LEPROTL1: variants seen among roughly 807,000 people sequenced by gnomAD.
LEPROTL1 encodes the protein leptin receptor overlapping transcript like 1.
Under a neutral mutation model 15.4 loss-of-function variants are expected in LEPROTL1, and 6 were observed. The observed-to-expected ratio is 0.39, with a 90% CI of 0.21 to 0.77. The LOEUF is 0.77. Ranked by LOEUF, LEPROTL1 falls within the 30% of genes least tolerant of loss-of-function variation. The pLI, the probability that LEPROTL1 is intolerant of heterozygous loss-of-function variation, is 0.41. For missense variants in LEPROTL1, 128 were observed against 158.1 expected (o/e 0.81, Z 1.02); for synonymous variants, 56 against 52.6 (o/e 1.06, Z -0.28).
At chr8:30,103,594 A>C (rs916855542) in intron 2 of LEPROTL1, among the ~76,000 whole-genome samples, 1 of 152,030 alleles carries the variant, frequency 6.6e-6, no homozygotes, top group African/African-American at 2.4e-5. Flanking sequence ...TACAAAAATT[A>C]GCCGGGCATG....
intron 3 of LEPROTL1, among the ~76,000 whole-genome samples, chr8:30,127,761 G>A (rs1343149705): frequency 6.6e-6 from 1 of 151,062 alleles, no homozygotes; most frequent in African/African-American, 2.4e-5. Context: ...AAAAGCAGGG[G>A]TAACCTGAGG....
At chr8:30,104,030 GA>G (rs1267649316) in intron 2 of LEPROTL1, among the ~76,000 whole-genome samples, 2 of 152,178 alleles carry the variant, frequency 1.3e-5, no homozygotes, top group African/African-American at 4.8e-5. Flanking sequence ...ACTAGATGTA[GA>G]GTAAAAGCCA....
chr8:30,097,318 T>C (rs1480954187), intron 1 of LEPROTL1, among the ~76,000 whole-genome samples: 1 of 103,904 alleles, frequency 9.6e-6, no homozygotes, highest in Non-Finnish European at 2.3e-5. Flanking sequence ...TTGGCTACCT[T>C]ATTCGGTATG....
At chr8:30,124,561 A>G (rs1274582539) in intron 3 of LEPROTL1, among the ~76,000 whole-genome samples, 1 of 152,152 alleles carries the variant, frequency 6.6e-6, no homozygotes, top group African/African-American at 2.4e-5. Flanking sequence ...ACACCTGAAA[A>G]AGTTAACAAT....
At chr8:30,136,700 C>G (rs1184561468) in intron 4 of LEPROTL1, among the ~76,000 whole-genome samples, 3 of 151,692 alleles carry the variant, frequency 2.0e-5, no homozygotes, top group South Asian at 4.1e-4. Flanking sequence ...CAACCTGAAG[C>G]CTTTGGTGAA....
chr8:30,137,108 C>A (rs1014276999), intron 4 of LEPROTL1, among the ~76,000 whole-genome samples: 1 of 152,164 alleles, frequency 6.6e-6, no homozygotes, highest in Non-Finnish European at 1.5e-5. Context: ...GCATCACAGC[C>A]TCTGTGCTCC....
rs547094274 is a variant in LEPROTL1, at chr8:30,107,752, C to CA, written c.*1890_*1891insA. The CA allele has an allele frequency of 6.2e-5, 60 of 969,962 alleles. 1 individual carries two copies. The highest frequency in any genetic ancestry group is 7.1e-5 in the Non-Finnish European group (58 of 816,054). 60.1% of individuals were successfully genotyped at this position (969,962 alleles called of 1,614,324 possible). A position where few individuals can be genotyped will look rare whatever the true frequency, so the allele number is the denominator to read the frequency against. On this transcript the variant is annotated 3_prime_UTR_variant, in exon 4 of 4. Coordinates refer to ENST00000321250, the MANE Select transcript of LEPROTL1 (RefSeq NM_015344.3). Reference sequence around the variant, plus strand: ...CTCTTTGTGCTTGTGATCTACTGGACTTTTTTTTGCAGGAAGTGCATTCTC... The same window carrying CA: ...CTCTTTGTGCTTGTGATCTACTGGACATTTTTTTTGCAGGAAGTGCATTCTC...
intron 1 of LEPROTL1, among the ~76,000 whole-genome samples, chr8:30,098,281 T>C (rs1214053588): frequency 6.6e-6 from 1 of 152,222 alleles, no homozygotes; most frequent in Non-Finnish European, 1.5e-5. Flanking sequence ...TTAATTTTTG[T>C]TCTGGGTATA....
chr8:30,096,231 G>C (rs1219913417), intron 1 of LEPROTL1: 2 of 918,930 alleles, frequency 2.2e-6, no homozygotes, highest in Non-Finnish European at 1.3e-6. Flanking sequence ...TAAAATACTG[G>C]TACAACTTAA....
intron 1 of LEPROTL1, among the ~76,000 whole-genome samples, chr8:30,097,154 T>C (rs1006928874): frequency 1.3e-5 from 2 of 152,210 alleles, no homozygotes; most frequent in East Asian, 1.9e-4. Context: ...ACTCAATTAC[T>C]GTATGAATTC....
In LEPROTL1 at chr8:30,107,154, T is replaced by A. The variant is rs1033957857; in HGVS notation, c.*1292T>A. Reference sequence around the variant, plus strand: ...TTGATTTTGAGTTCATCATGATAGATCTGCTGTTTCCTTATAAAAGGCATT... The same window carrying A: ...TTGATTTTGAGTTCATCATGATAGAACTGCTGTTTCCTTATAAAAGGCATT... On this transcript the variant is annotated 3_prime_UTR_variant, in exon 4 of 4. Transcript: ENST00000321250. The A allele has an allele frequency of 2.0e-6, 2 of 985,240 alleles. No homozygotes were observed. Among genetic ancestry groups the A allele is most frequent in the Admixed American group, 6.1e-5 (1 of 16,268 alleles). The allele number at this position is 985,240 out of a possible 1,614,324, so 61.0% of individuals were successfully genotyped here.
intron 1 of LEPROTL1, among the ~76,000 whole-genome samples, chr8:30,098,116 T>C (rs1802403367): frequency 6.6e-6 from 1 of 152,270 alleles, no homozygotes; most frequent in South Asian, 2.1e-4. Flanking sequence ...TTTTGTTGTT[T>C]CCTCCCTCCT....
intron 2 of LEPROTL1, 26 bp downstream of exon 2, chr8:30,101,999 ATATT>A (rs756150975): frequency 1.4e-6 from 2 of 1,460,578 alleles, no homozygotes; most frequent in Non-Finnish European, 9.4e-7. Context: ...GTCTTTCTGA[ATATT>A]TAAGGGTAAA....
chr8:30,098,797 G>A (rs4733354), intron 1 of LEPROTL1, among the ~76,000 whole-genome samples: 138,713 of 152,242 alleles, frequency 0.91, 63,565 homozygotes, highest in East Asian at 1. Context: ...AGCCAGGCAC[G>A]ATCATCACAA....
At chr8:30,101,455 G>T (rs192409388) in intron 1 of LEPROTL1, among the ~76,000 whole-genome samples, 1 of 152,220 alleles carries the variant, frequency 6.6e-6, no homozygotes, top group African/African-American at 2.4e-5. Context: ...ATCACCTGAG[G>T]TCGGGAGTTC....
At chr8:30,137,637 T>C in exon 5 of LEPROTL1, 1 of 686,752 alleles carries the variant, frequency 1.5e-6, no homozygotes, top group Non-Finnish European at 2.4e-6. Flanking sequence ...GAAAGAAGTC[T>C]GACCTAACCA....
chr8:30,133,052 A>G (rs1737520263), intron 4 of LEPROTL1: 1 of 608,794 alleles, frequency 1.6e-6, no homozygotes, highest in African/African-American at 1.9e-5. Context: ...CCCACACAAA[A>G]TAAATCTTAA....
chr8:30,137,970 A>G, downstream of LEPROTL1: 1 of 195,834 alleles, frequency 5.1e-6, no homozygotes, highest in Admixed American at 5.3e-5. Context: ...TTGATGGATC[A>G]GCTGGTACTA....
downstream of LEPROTL1, among the ~76,000 whole-genome samples, chr8:30,111,245 G>T (rs1344930474): frequency 1.3e-5 from 2 of 152,136 alleles, no homozygotes; most frequent in Non-Finnish European, 2.9e-5. Context: ...AAAGGTGTTA[G>T]TCCCTAAGAA....
Sources: gnomAD v4.1 joint callset for allele counts (sites outside exome capture counted in the v4.1 genomes callset) on GRCh38, gnomAD v4.1.1 for gene constraint, MANE v1.5 for transcripts, NCBI Gene and HGNC (gene_info 2026-07-23, HGNC 2026-07-21) for gene names.